Variants in OPCML observed in about 807,000 individuals in gnomAD.
The protein encoded by OPCML is opioid-binding protein/cell adhesion molecule.
Under a neutral mutation model 37.8 loss-of-function variants are expected in OPCML, and 13 were observed. The observed-to-expected ratio is 0.34, with a 90% CI of 0.22 to 0.55. The LOEUF (loss-of-function observed/expected upper bound fraction) is 0.55. OPCML is among the 20% of genes least tolerant of loss of function. The pLI, the probability that OPCML is intolerant of heterozygous loss-of-function variation, is 0.91. For synonymous variants in OPCML, 176 were observed against 168.8 expected, an observed-to-expected ratio of 1.04 and a Z score of -0.33; for missense variants, 341 against 435.6, an observed-to-expected ratio of 0.78 and a Z score of 1.93.
intron 2 of OPCML, among the ~76,000 whole-genome samples, chr11:132,932,952 C>T (rs1472829): frequency 0.21 from 31,518 of 151,680 alleles, 3,575 homozygotes; most frequent in South Asian, 0.31. Context: ...AGTTGGGATT[C>T]AAAATGAGCC....
At chr11:133,308,799 G>T (rs985072453) in intron 1 of OPCML, among the ~76,000 whole-genome samples, 4 of 152,154 alleles carry the variant, frequency 2.6e-5, no homozygotes, top group Non-Finnish European at 5.9e-5. Flanking sequence ...GCACATTTTG[G>T]TGCTGAAAAG....
chr11:132,789,951 C>T (rs563531935), intron 2 of OPCML, among the ~76,000 whole-genome samples: 1 of 152,278 alleles, frequency 6.6e-6, no homozygotes, highest in East Asian at 1.9e-4. Context: ...TTCTGATAAG[C>T]TCCTAAGATA....
At chr11:132,756,941 C>A (rs1946069548) in intron 2 of OPCML, among the ~76,000 whole-genome samples, 1 of 152,120 alleles carries the variant, frequency 6.6e-6, no homozygotes, top group Non-Finnish European at 1.5e-5. Flanking sequence ...GCTCCCCACC[C>A]CCTGACAGGC....
At chr11:132,464,913 T>C (rs972770109) in intron 4 of OPCML, among the ~76,000 whole-genome samples, 2 of 152,224 alleles carry the variant, frequency 1.3e-5, no homozygotes. Flanking sequence ...AAAGCATGGT[T>C]AGCAATTAAT....
At chr11:133,243,721 C>T (rs1940814563) in intron 1 of OPCML, among the ~76,000 whole-genome samples, 1 of 152,172 alleles carries the variant, frequency 6.6e-6, no homozygotes, top group Non-Finnish European at 1.5e-5. Flanking sequence ...CATAGCAAGC[C>T]ATTTGTTTCA....
intron 2 of OPCML, among the ~76,000 whole-genome samples, chr11:132,849,801 T>C (rs4937735): frequency 0.25 from 38,362 of 152,126 alleles, 5,861 homozygotes; most frequent in East Asian, 0.66. Context: ...CAGCTGAGTA[T>C]GCCACATGTA....
chr11:133,222,640 G>A (rs1220249589), intron 1 of OPCML, among the ~76,000 whole-genome samples: 1 of 152,216 alleles, frequency 6.6e-6, no homozygotes, highest in Non-Finnish European at 1.5e-5. Flanking sequence ...AACTCAGCCC[G>A]TCCAGCTCTG....
intron 1 of OPCML, among the ~76,000 whole-genome samples, chr11:133,219,123 A>G (rs1205503222): frequency 1.3e-5 from 2 of 152,186 alleles, no homozygotes; most frequent in Non-Finnish European, 2.9e-5. Context: ...TAGTGGCATG[A>G]TACCTATCTT....
At chr11:133,140,898 C>A (rs376253251) in intron 1 of OPCML, among the ~76,000 whole-genome samples, 88 of 3,268 alleles carry the variant, frequency 0.027, 15 homozygotes, top group African/African-American at 0.033. Flanking sequence ...ACGACGAAGA[C>A]GACGACGACG....
At chr11:133,145,715 G>A (rs1341973329) in intron 1 of OPCML, among the ~76,000 whole-genome samples, 3 of 152,192 alleles carry the variant, frequency 2.0e-5, no homozygotes, top group Non-Finnish European at 2.9e-5. Flanking sequence ...TTGAAGGTGG[G>A]GACATGGCCA....
chr11:133,328,208 A>G (rs1453073180), intron 1 of OPCML, among the ~76,000 whole-genome samples: 10 of 143,346 alleles, frequency 7.0e-5, no homozygotes, highest in African/African-American at 2.7e-4. Context: ...CCCAGGCTGG[A>G]GTGCAGTGAC....
At chr11:133,266,783 C>T (rs1941672237) in intron 1 of OPCML, among the ~76,000 whole-genome samples, 1 of 152,068 alleles carries the variant, frequency 6.6e-6, no homozygotes, top group Non-Finnish European at 1.5e-5. Context: ...ACATTCCAAG[C>T]CAGAACAATG....
chr11:132,868,615 C>G (rs1942669003), intron 2 of OPCML, among the ~76,000 whole-genome samples: 1 of 152,060 alleles, frequency 6.6e-6, no homozygotes. Context: ...GGGAAGAACA[C>G]AGTTGCACCA....
chr11:132,534,074 C>A (rs2096333653), intron 3 of OPCML, among the ~76,000 whole-genome samples: 1 of 152,096 alleles, frequency 6.6e-6, no homozygotes, highest in African/African-American at 2.4e-5. Context: ...TGTTTCCCAT[C>A]CTAGAGATTG....
chr11:133,242,199 G>A lies in OPCML; in HGVS notation c.61+290065C>T, dbSNP rs554609698. 6.3e-4 allele frequency among the ~76,000 whole-genome samples: 96 copies of A among 152,264 alleles called. 1 individual carries two copies. Among genetic ancestry groups the A allele is most frequent in the Non-Finnish European group, 1.2e-3 (83 of 68,026 alleles). On this transcript the variant is annotated intron_variant, in intron 1 of 7. Coordinates refer to ENST00000524381, the MANE Select transcript of OPCML (RefSeq NM_001012393.5). ...CCCTTCACACACATTTTGTACATGA[G>A]TCACCTGAAGAAGATTTAGAGAATG...
intron 2 of OPCML, among the ~76,000 whole-genome samples, chr11:132,873,628 G>A (rs1319821097): frequency 6.7e-6 from 1 of 148,386 alleles, no homozygotes; most frequent in East Asian, 2.0e-4. Context: ...GAGTAAAGAG[G>A]AATAAAGCTA....
At chr11:133,047,952 G>A (rs943064220) in intron 1 of OPCML, among the ~76,000 whole-genome samples, 3 of 152,152 alleles carry the variant, frequency 2.0e-5, no homozygotes, top group African/African-American at 4.8e-5. Flanking sequence ...AGGGCACTGC[G>A]AGAGGGTTTC....
chr11:132,918,456 C>T (rs777656286), intron 2 of OPCML, among the ~76,000 whole-genome samples: 2 of 152,192 alleles, frequency 1.3e-5, no homozygotes, highest in Non-Finnish European at 2.9e-5. Flanking sequence ...TTGTTCTGTC[C>T]TGTTCTTGAG....
chr11:133,293,898 ACACACACACACACACAC>A (rs1942554275), intron 1 of OPCML, among the ~76,000 whole-genome samples: 8 of 143,062 alleles, frequency 5.6e-5, no homozygotes, highest in African/African-American at 2.1e-4. Context: ...AAGACTTCAC[ACACACACACACACACAC>A]ACACACACAC....
Sources: gnomAD v4.1 joint callset for allele counts (sites outside exome capture counted in the v4.1 genomes callset) on GRCh38, gnomAD v4.1.1 for gene constraint, MANE v1.5 for transcripts, NCBI Gene and HGNC (gene_info 2026-07-23, HGNC 2026-07-21) for gene names.